Variants in ASB15 observed in about 807,000 individuals in gnomAD.
ASB15 encodes the protein ankyrin repeat and SOCS box containing 15.
ASB15 carries 54 observed loss-of-function variants against 58.0 expected under a neutral mutation model. The ratio of observed to expected loss-of-function variants is 0.93; its 90% CI spans 0.75 to 1.17. The LOEUF (loss-of-function observed/expected upper bound fraction) is 1.17. Among genes scored for constraint, ASB15 ranks in the 50% most tolerant of loss-of-function variants. The probability of loss-of-function intolerance (pLI) is 0.00; values close to 1 mark genes in which losing one functional copy is unlikely to be tolerated. For synonymous variants in ASB15, 249 were observed against 262.4 expected (o/e 0.95, Z 0.50); for missense variants, 680 against 707.4 (o/e 0.96, Z 0.44).
At position 123,626,887 on chromosome 7, in the gene ASB15, G is replaced by A. The variant is rs111934570; in HGVS notation, c.698-223G>A. ...TGGGTAGCTGGGACTACAGGTGCACGCCACCGTGCCCAGCTAATTTTTGTA... is the reference window on the plus strand; with the variant it reads ...TGGGTAGCTGGGACTACAGGTGCACACCACCGTGCCCAGCTAATTTTTGTA... On this transcript the variant is annotated intron_variant, in intron 8 of 11. Coordinates refer to ENST00000451215, the MANE Select transcript of ASB15 (RefSeq NM_001290258.2). Among the ~76,000 whole-genome samples, 21 of 152,130 alleles carry A rather than the reference G, an allele frequency of 1.4e-4. No homozygotes were observed. In the South Asian group the frequency reaches 3.9e-3, roughly 29 times the overall value.
intron 7 of ASB15, among the ~76,000 whole-genome samples, chr7:123,620,458 T>C (rs1304568686): frequency 2.3e-5 from 3 of 133,330 alleles, no homozygotes; most frequent in African/African-American, 8.5e-5. Context: ...AAACAGAATA[T>C]GTATCTGTGG....
In ASB15 at chr7:123,624,726, C is replaced by G; in HGVS notation, c.609C>G (p.Val203=). Residue 203 remains valine, a synonymous_variant, in exon 8 of 12, where the codon GTC becomes GTG. Coordinates refer to ENST00000451215, the MANE Select transcript of ASB15 (RefSeq NM_001290258.2). ...VALLLKHGGN[V]HLRDGFGVTP... is the part of the protein sequence containing the mutation. ...TGCTGCTGAAACATGGAGGCAATGTCCACCTGAGAGATGGATTTGGAGTCA... is the reference window on the plus strand; with the variant it reads ...TGCTGCTGAAACATGGAGGCAATGTGCACCTGAGAGATGGATTTGGAGTCA... 1 of 1,614,152 alleles carries G rather than the reference C, an allele frequency of 6.2e-7. No individual in the cohort carries two copies. The highest frequency in any genetic ancestry group is 8.5e-7 in the Non-Finnish European group (1 of 1,180,018).
chr7:123,571,139 T>C lies in ASB15; in HGVS notation c.-443+4051T>C, dbSNP rs538766345. ...AATGATCATTTCTTTAAATTTACCA[T>C]AAAAACAAATACAATTGAGAAGCAC... is the stretch of plus-strand genomic sequence containing the variant. On this transcript the variant is annotated intron_variant, in intron 1 of 13. Coordinates refer to the ASB15 transcript ENST00000451558. Among the ~76,000 whole-genome samples, 4 of 152,322 alleles carry C rather than the reference T, an allele frequency of 2.6e-5. No homozygotes were observed. The South Asian group carries it at 8.3e-4, about 32-fold the overall frequency.
At chr7:123,589,325 A>T (rs1799465064) in intron 1 of ASB15, among the ~76,000 whole-genome samples, 1 of 149,676 alleles carries the variant, frequency 6.7e-6, no homozygotes, top group African/African-American at 2.4e-5. Flanking sequence ...TATTATTATC[A>T]TTATTATTAT....
At chr7:123,630,865 G>C (rs149755109) in intron 11 of ASB15, among the ~76,000 whole-genome samples, 187 of 152,254 alleles carry the variant, frequency 1.2e-3, no homozygotes, top group African/African-American at 4.2e-3. Context: ...TAATGTACCT[G>C]AATCAGCCTT....
intron 7 of ASB15, among the ~76,000 whole-genome samples, chr7:123,622,344 C>T (rs1180957186): frequency 6.6e-6 from 1 of 151,878 alleles, no homozygotes; most frequent in East Asian, 1.9e-4. Context: ...AATTATTTTA[C>T]TTAATCATTT....
At chr7:123,627,430 A>G in intron 9 of ASB15, 149 bp downstream of exon 9, 1 of 607,392 alleles carries the variant, frequency 1.6e-6, no homozygotes, top group Non-Finnish European at 2.6e-6. Flanking sequence ...TTAGATATTT[A>G]GAACTTATTT....
intron 11 of ASB15, among the ~76,000 whole-genome samples, chr7:123,636,131 AG>A (rs769242559): frequency 4.4e-4 from 67 of 152,134 alleles, no homozygotes; most frequent in Non-Finnish European, 9.1e-4. Flanking sequence ...ACAAATATTA[AG>A]GGGCAGAGCT....
At chr7:123,576,178 C>G (rs1437069418) in intron 1 of ASB15, among the ~76,000 whole-genome samples, 1 of 149,834 alleles carries the variant, frequency 6.7e-6, no homozygotes, top group Non-Finnish European at 1.5e-5. Flanking sequence ...TTTTTATGGT[C>G]CTGTAATCCT....
Position 123,616,228 on chromosome 7 carries a change from C to G in ASB15, c.115C>G (p.Pro39Ala), listed in dbSNP as rs1417006259. 6.3e-7 allele frequency: 1 copy of G among 1,595,516 alleles called. No homozygotes were observed. Among genetic ancestry groups the G allele is most frequent in the Admixed American group, 1.7e-5 (1 of 59,932 alleles). ...KTALCPERFV[P>A]LSAQNRKLVE... ...TTTTTCTTTATCTCATAGATTTGTA[C>G]CCCTAAGTGCTCAAAACAGAAAACT... The change falls in exon 5 of 12, where the codon CCC becomes GCC. Residue 39 changes from proline (P) to alanine (A), a missense_variant. Pro to Ala is a conservative substitution (Grantham distance 27). Coordinates refer to ENST00000451215, the MANE Select transcript of ASB15 (RefSeq NM_001290258.2).
chr7:123,598,113 C>T (rs1263137239), upstream of ASB15, among the ~76,000 whole-genome samples: 2 of 152,054 alleles, frequency 1.3e-5, no homozygotes, highest in East Asian at 3.9e-4. Flanking sequence ...TATGCATATA[C>T]TAAAATGTGT....
chr7:123,614,979 T>C (rs1800705387), intron 4 of ASB15, among the ~76,000 whole-genome samples: 1 of 152,232 alleles, frequency 6.6e-6, no homozygotes, highest in Non-Finnish European at 1.5e-5. Flanking sequence ...CTGTACACTC[T>C]AGAGCTCATT....
At chr7:123,576,286 T>C (rs1300566802) in intron 1 of ASB15, among the ~76,000 whole-genome samples, 2 of 152,032 alleles carry the variant, frequency 1.3e-5, no homozygotes, top group Non-Finnish European at 2.9e-5. Context: ...CATCTCTTTA[T>C]TGAGTTTTTG....
At chr7:123,618,615 G>A (rs1265756084) in intron 7 of ASB15, among the ~76,000 whole-genome samples, 11 of 152,000 alleles carry the variant, frequency 7.2e-5, no homozygotes, top group African/African-American at 9.7e-5. Context: ...AGGAGGAGAC[G>A]GAAGAGGAGC....
chr7:123,628,934 T>G lies in ASB15; in HGVS notation c.940T>G (p.Ser314Ala). Residue 314 changes from serine (S) to alanine (A), a missense_variant, in exon 10 of 12, where the codon TCA becomes GCA. Coordinates refer to ENST00000451215, the MANE Select transcript of ASB15 (RefSeq NM_001290258.2). ...GAAAAGTGGGCTAACACCAATTCAC[T>G]CAGCAGCAGATGGACAAAATGCACA... ...IRKSGLTPIH[S>A]AADGQNAQCL... The G allele has an allele frequency of 1.2e-6, 2 of 1,606,888 alleles. No individual in the cohort carries two copies. Among genetic ancestry groups the G allele is most frequent in the Non-Finnish European group, 1.7e-6 (2 of 1,176,816 alleles).
intron 8 of ASB15, 141 bp from the exon 9 acceptor site, chr7:123,626,969 C>T: frequency 5.0e-6 from 4 of 797,944 alleles, no homozygotes; most frequent in Non-Finnish European, 5.9e-6. Flanking sequence ...AACTCCTGAC[C>T]TCATGATCCG....
chr7:123,607,717 G>C (rs1426989861), intron 2 of ASB15, among the ~76,000 whole-genome samples: 9 of 152,138 alleles, frequency 5.9e-5, no homozygotes, highest in Non-Finnish European at 1.2e-4. Context: ...AAACTCCTGA[G>C]CTCAGGCAAT....
Position 123,619,791 on chromosome 7 carries a change from G to A in ASB15, c.451+2054G>A, listed in dbSNP as rs138818867. Among the ~76,000 whole-genome samples, 722 of 152,282 alleles carry A rather than the reference G, an allele frequency of 4.7e-3. 4 individuals carry two copies. Among genetic ancestry groups the A allele is most frequent in the Admixed American group, 7.8e-3 (119 of 15,292 alleles). On this transcript the variant is annotated intron_variant, in intron 7 of 11. Coordinates refer to ENST00000451215, the MANE Select transcript of ASB15 (RefSeq NM_001290258.2). ...GCCCACCTCAGCCTCCCAAAGTGCTGGGATTACAGGCGTGAGCCACCGCTC... is the reference window on the plus strand; with the variant it reads ...GCCCACCTCAGCCTCCCAAAGTGCTAGGATTACAGGCGTGAGCCACCGCTC...
chr7:123,633,703 A>G (rs370499750), intron 11 of ASB15, among the ~76,000 whole-genome samples: 18 of 152,346 alleles, frequency 1.2e-4, no homozygotes, highest in African/African-American at 4.3e-4. Context: ...AGCAATGAGC[A>G]TTCCTACGAC....
Sources: gnomAD v4.1 joint callset for allele counts (sites outside exome capture counted in the v4.1 genomes callset) on GRCh38, gnomAD v4.1.1 for gene constraint, MANE v1.5 for transcripts, NCBI Gene and HGNC (gene_info 2026-07-23, HGNC 2026-07-21) for gene names.